The following MACF1 variants were observed in gnomAD, a reference collection of about 807,000 sequenced individuals.
MACF1 encodes microtubule actin crosslinking factor 1, also known as microtubule-actin cross-linking factor 1.
MACF1 carries 193 observed loss-of-function variants against 854.8 expected under a neutral mutation model. That is an observed-to-expected ratio of 0.23 (90% CI 0.20 to 0.25). MACF1 has a LOEUF of 0.25. Ranked by LOEUF, MACF1 falls within the 10% of genes least tolerant of loss-of-function variation. The pLI, the probability that MACF1 is intolerant of heterozygous loss-of-function variation, is 1.00. For synonymous variants in MACF1, 3,185 were observed against 3,226.7 expected, an observed-to-expected ratio of 0.99 and a Z score of 0.44; for missense variants, 7,722 against 8,929.1, an observed-to-expected ratio of 0.86 and a Z score of 5.45.
chr1:39,434,654 A>AT (rs1158600367), intron 69 of MACF1, 22 bp downstream of exon 69: 1 of 1,604,786 alleles, frequency 6.2e-7, no homozygotes, highest in African/African-American at 1.3e-5. Context: ...GCCAAGTTTC[A>AT]TTTTATTGTT....
Position 39,414,009 on chromosome 1 carries a change from G to T in MACF1, c.15817-8365G>T, listed in dbSNP as rs1297769210. ...AGCCCACCTCCCCAGCAGCAGCAGTGCCCACCCTAGAGGAACCCACCTCCT... is the reference window on the plus strand; with the variant it reads ...AGCCCACCTCCCCAGCAGCAGCAGTTCCCACCCTAGAGGAACCCACCTCCT... On this transcript the variant is annotated intron_variant, in intron 58 of 100. Transcript: ENST00000564288. 6 of 1,608,108 alleles carry T rather than the reference G, an allele frequency of 3.7e-6. No homozygotes were observed. In the Admixed American group the frequency reaches 5.1e-5, roughly 14 times the overall value.
intron 58 of MACF1, chr1:39,412,061 A>G: frequency 2.5e-6 from 4 of 1,613,988 alleles, no homozygotes; most frequent in Admixed American, 1.7e-5. Context: ...GAAAAGCTGG[A>G]CCCAGGAGGA....
chr1:39,159,247 A>G (rs574796423), intron 2 of MACF1, among the ~76,000 whole-genome samples: 1 of 152,362 alleles, frequency 6.6e-6, no homozygotes, highest in East Asian at 1.9e-4. Context: ...TCTTGCTTGA[A>G]CGGACAAGTA....
intron 56 of MACF1, among the ~76,000 whole-genome samples, chr1:39,382,472 A>G (rs1280682371): frequency 6.6e-6 from 1 of 151,932 alleles, no homozygotes; most frequent in Non-Finnish European, 1.5e-5. Context: ...TGGGAGGTCG[A>G]GGTGGGCGGG....
intron 6 of MACF1, among the ~76,000 whole-genome samples, chr1:39,262,361 A>G (rs891398852): frequency 7.7e-6 from 1 of 129,132 alleles, no homozygotes; most frequent in African/African-American, 2.9e-5. Context: ...AAATTGTGCC[A>G]CTGCACTCCA....
Position 39,477,115 on chromosome 1 carries a change from AGT to A in MACF1, c.21959-2680_21959-2679del, listed in dbSNP as rs1644917211. Among the ~76,000 whole-genome samples the A allele has an allele frequency of 3.5e-3, 220 of 63,766 alleles. 4 individuals are homozygous for A. Among genetic ancestry groups the A allele is most frequent in the African/African-American group, 0.013 (208 of 15,870 alleles). 41.8% of individuals were successfully genotyped at this position (63,766 alleles called of 152,430 possible). Reference sequence around the variant, plus strand: ...TACACACACACACATATATACACTTAGTGTATATATATATATATATACACACA... The same window carrying A: ...TACACACACACACATATATACACTTAGTATATATATATATATATACACACA... On this transcript the variant is annotated intron_variant, in intron 97 of 100. Transcript: ENST00000564288.
At chr1:39,234,911 G>A (rs574436798) in intron 2 of MACF1, among the ~76,000 whole-genome samples, 3 of 148,954 alleles carry the variant, frequency 2.0e-5, no homozygotes, top group African/African-American at 4.9e-5. Flanking sequence ...GACGATAGGC[G>A]GCCGGGCAGA....
intron 2 of MACF1, among the ~76,000 whole-genome samples, chr1:39,087,731 A>G (rs2148117781): frequency 6.6e-6 from 1 of 152,182 alleles, no homozygotes; most frequent in East Asian, 1.9e-4. Flanking sequence ...CTATAGTTAC[A>G]CAGGACTGGT....
intron 36 of MACF1, 103 bp downstream of exon 36, chr1:39,327,456 AT>A (rs1646637017): frequency 8.1e-7 from 1 of 1,239,320 alleles, no homozygotes; most frequent in Non-Finnish European, 1.1e-6. Context: ...TCCATGACCA[AT>A]GTGACTTAAT....
At chr1:39,158,139 T>C (rs1398570880) in intron 2 of MACF1, among the ~76,000 whole-genome samples, 1 of 152,120 alleles carries the variant, frequency 6.6e-6, no homozygotes, top group Non-Finnish European at 1.5e-5. Flanking sequence ...AGGCCAGCAG[T>C]AGAAAGAAAT....
intron 11 of MACF1, 57 bp downstream of exon 11, chr1:39,284,485 C>A (rs1645607979): frequency 8.8e-7 from 1 of 1,140,968 alleles, no homozygotes; most frequent in East Asian, 2.4e-5. Context: ...ACTGTTGTTG[C>A]TTCTTGATTA....
At chr1:39,102,674 T>G in intron 2 of MACF1, 1 of 676,330 alleles carries the variant, frequency 1.5e-6, no homozygotes. Context: ...GGGCATTAAT[T>G]TCCTTGTATT....
At chr1:39,277,593 A>C (rs958919933) in intron 6 of MACF1, among the ~76,000 whole-genome samples, 5 of 152,158 alleles carry the variant, frequency 3.3e-5, no homozygotes, top group Admixed American at 1.3e-4. Context: ...GTCTCAACTA[A>C]GTTCTTGCAG....
rs1644637039 is a variant in MACF1, at chr1:39,465,072, CCTTTACT to C, written c.21754-15_21754-9del. 1.2e-6 allele frequency: 2 copies of C among 1,609,258 alleles called. No individual in the cohort carries two copies. Among genetic ancestry groups the C allele is most frequent in the South Asian group, 1.1e-5 (1 of 90,978 alleles). ...TTTTTTTTCCCCTCCTTTCCTCCAT[CCTTTACT>C]CTTTACTGTCTATAGTTCTTCCTCG... On this transcript the variant is annotated splice_polypyrimidine_tract_variant and intron_variant, in intron 94 of 100. Transcript: ENST00000564288.
In MACF1 at chr1:39,454,968, G is replaced by A; in HGVS notation, c.20946G>A (p.Val6982=). 1 of 1,614,168 alleles carries A rather than the reference G, an allele frequency of 6.2e-7. No homozygotes were observed. Among genetic ancestry groups the A allele is most frequent in the Non-Finnish European group, 8.5e-7 (1 of 1,180,018 alleles). ...QRLETALSEL[V]ANAELLEELL... is the part of the protein sequence containing the mutation. ...TTGAAACGGCCTTGTCAGAACTGGT[G>A]GCTAATGCTGAGCTCCTGGAAGAAC... Residue 6982 remains valine, a synonymous_variant, in exon 89 of 101, where the codon GTG becomes GTA. Coordinates refer to ENST00000564288, the MANE Select transcript of MACF1 (RefSeq NM_001394062.1).
At chr1:39,184,388 T>G (rs1459432746) in intron 2 of MACF1, among the ~76,000 whole-genome samples, 1 of 152,108 alleles carries the variant, frequency 6.6e-6, no homozygotes, top group Non-Finnish European at 1.5e-5. Context: ...TCTGACATAT[T>G]TAGAGAGGGG....
In MACF1 at chr1:39,388,492, A is replaced by C. The variant is rs1195834909; in HGVS notation, c.15650A>C (p.Lys5217Thr). The C allele has an allele frequency of 1.2e-6, 2 of 1,614,188 alleles. No homozygotes were observed. The highest frequency in any genetic ancestry group is 2.2e-5 in the East Asian group (1 of 44,886). ...KQCGKLTERG[K>T]ARQEQLELTL... ...TGTGGCAAACTGACAGAGAGGGGGA[A>C]AGCTCGTCAGGAACAGCTGGAACTG... Residue 5217 changes from lysine to threonine, a missense_variant, in exon 58 of 101, where the codon AAA becomes ACA. This residue lies in a region of MACF1 where 2,807 missense variants were observed against 3,235.8 expected (regional missense o/e 0.87). Transcript: ENST00000564288.
At chr1:39,372,405 A>G (rs893688970) in intron 51 of MACF1, 74 bp from the exon 52 acceptor site, 1 of 790,510 alleles carries the variant, frequency 1.3e-6, no homozygotes, top group East Asian at 2.5e-5. Context: ...TAGGGAGTAT[A>G]TACAGAACAG....
Position 39,257,981 on chromosome 1 carries a change from C to T in MACF1, c.481C>T (p.Pro161Ser). 2 of 1,614,018 alleles carry T rather than the reference C, an allele frequency of 1.2e-6. No homozygotes were observed. The highest frequency in any genetic ancestry group is 2.2e-5 in the South Asian group (2 of 91,062). The change falls in exon 6 of 101, where the codon CCC becomes TCC. Residue 161 changes from proline to serine, a missense_variant. By Grantham distance (74) the Pro-to-Ser change is moderately conservative. This residue lies in a region of MACF1 where 108 missense variants were observed against 196.4 expected (regional missense o/e 0.55). Coordinates refer to ENST00000564288, the MANE Select transcript of MACF1 (RefSeq NM_001394062.1). ...IRNDDITDGN[P>S]KLTLGLIWTI... is the part of the protein sequence containing the mutation. ...CAATGATGACATCACAGATGGCAAC[C>T]CCAAGTTGACCCTGGGTCTGATCTG...
Sources: allele counts gnomAD v4.1 joint callset (sites outside exome capture counted in the v4.1 genomes callset), GRCh38; gene constraint gnomAD v4.1.1; regional missense constraint gnomAD v4.1.1; transcripts MANE v1.5; gene names NCBI Gene and HGNC (gene_info 2026-07-23, HGNC 2026-07-21).